PAQR8: variants seen among roughly 807,000 people sequenced by gnomAD.
PAQR8 encodes progestin and adipoQ receptor family member 8, also known as membrane progestin receptor beta.
Under a neutral mutation model 25.2 loss-of-function variants are expected in PAQR8, and 17 were observed. That is an observed-to-expected ratio of 0.67 (90% CI 0.46 to 1.01). The LOEUF is 1.01. PAQR8 is among the 50% of genes least tolerant of loss of function. The pLI is 0.00. For missense variants in PAQR8, 392 were observed against 448.4 expected, an observed-to-expected ratio of 0.87 and a Z score of 1.14; for synonymous variants, 204 against 190.6, an observed-to-expected ratio of 1.07 and a Z score of -0.58.
At chr6:52,395,580 C>T (rs1033660543) in intron 1 of PAQR8, among the ~76,000 whole-genome samples, 1 of 152,094 alleles carries the variant, frequency 6.6e-6, no homozygotes, top group Admixed American at 6.5e-5. Context: ...ATGATGATTC[C>T]CAGGAGTGTT....
chr6:52,389,892 C>G (rs902327825), intron 1 of PAQR8, among the ~76,000 whole-genome samples: 3 of 152,224 alleles, frequency 2.0e-5, no homozygotes, highest in African/African-American at 7.2e-5. Flanking sequence ...AGTGATGAAG[C>G]TTCCTGCCGG....
At chr6:52,370,891 A>G (rs892178528) in intron 1 of PAQR8, among the ~76,000 whole-genome samples, 2 of 152,186 alleles carry the variant, frequency 1.3e-5, no homozygotes, top group African/African-American at 4.8e-5. Context: ...ATAGAGCAGG[A>G]CCTCAGATCT....
intron 1 of PAQR8, among the ~76,000 whole-genome samples, chr6:52,363,765 C>G (rs1763317993): frequency 6.6e-6 from 1 of 152,200 alleles, no homozygotes; most frequent in Non-Finnish European, 1.5e-5. Flanking sequence ...GTACCCAGCC[C>G]TGAGCTGCTG....
At chr6:52,377,816 A>G (rs1349962035) in intron 1 of PAQR8, among the ~76,000 whole-genome samples, 2 of 151,924 alleles carry the variant, frequency 1.3e-5, no homozygotes, top group African/African-American at 4.8e-5. Flanking sequence ...ACACAGTCCT[A>G]TCTTCTTCGC....
rs748964377 is a variant in PAQR8, at chr6:52,403,584, C to G, written c.371C>G (p.Thr124Ser). Residue 124 changes from threonine to serine, a missense_variant, in exon 2 of 2, where the codon ACC (threonine) becomes AGC (serine). By Grantham distance (58) the Thr-to-Ser change is moderately conservative (BLOSUM62 1). Transcript: ENST00000442253. ...LFILSSITYLTCSLLAHLLQS... is the reference protein window; with the variant it reads ...LFILSSITYLSCSLLAHLLQS... ...ATCCTGTCGTCAATCACTTACCTCA[C>G]CTGCAGCCTTCTGGCCCACCTGCTG... is the stretch of plus-strand genomic sequence containing the variant. 19 of 1,614,014 alleles carry G rather than the reference C, an allele frequency of 1.2e-5. No homozygotes were observed. Among genetic ancestry groups the G allele is most frequent in the Non-Finnish European group, 1.6e-5 (19 of 1,180,046 alleles).
chr6:52,393,592 A>G (rs1232951141), intron 1 of PAQR8, among the ~76,000 whole-genome samples: 2 of 152,060 alleles, frequency 1.3e-5, no homozygotes, highest in Admixed American at 6.6e-5. Flanking sequence ...CGGCTTCCCA[A>G]AGTGCTGGGA....
At chr6:52,388,224 A>C (rs1763655331) in intron 1 of PAQR8, among the ~76,000 whole-genome samples, 1 of 152,072 alleles carries the variant, frequency 6.6e-6, no homozygotes, top group African/African-American at 2.4e-5. Flanking sequence ...AAAAATACAA[A>C]AATCAGCTAG....
rs67846872 is a variant in PAQR8, at chr6:52,364,083, G to GTTTTTTT, written c.-53+1848_-53+1854dup. ...AGTGGATATATCCATTGAAAGATAT[G>GTTTTTTT]TTTTTTTTTTTTTTTTTTTTGCGGG... is the stretch of plus-strand genomic sequence containing the variant. On this transcript the variant is annotated intron_variant, in intron 1 of 1. Coordinates refer to ENST00000442253, the MANE Select transcript of PAQR8 (RefSeq NM_133367.5). Among the ~76,000 whole-genome samples, 154 of 84,266 alleles carry GTTTTTTT rather than the reference G, an allele frequency of 1.8e-3. 24 individuals are homozygous for GTTTTTTT. The highest frequency in any genetic ancestry group is 2.3e-3 in the Admixed American group (13 of 5,690). The allele number at this position is 84,266 out of a possible 152,430, so 55.3% of individuals were successfully genotyped here.
Position 52,400,061 on chromosome 6 carries a change from C to G in PAQR8, c.-52-3101C>G, listed in dbSNP as rs562679007. Among the ~76,000 whole-genome samples, 45 of 152,278 alleles carry G rather than the reference C, an allele frequency of 3.0e-4. 2 individuals are homozygous for G. The South Asian group carries it at 8.9e-3, about 30-fold the overall frequency. ...AGGTATTCTAATTAGCATTTTCTTT[C>G]TCTCTCCCACACTCCCTCTTTCTGT... On this transcript the variant is annotated intron_variant, in intron 1 of 1. Coordinates refer to ENST00000442253, the MANE Select transcript of PAQR8 (RefSeq NM_133367.5).
chr6:52,406,663 A>G lies in PAQR8; in HGVS notation c.*2385A>G, dbSNP rs368035029. On this transcript the variant is annotated 3_prime_UTR_variant, in exon 2 of 2. Transcript: ENST00000442253. ...CTGCAGCCTCGACCTCCCCAGCTCA[A>G]GCAATCCTCCCACCTCAGCCTCCTA... is the stretch of plus-strand genomic sequence containing the variant. The G allele has an allele frequency of 2.5e-6, 1 of 406,048 alleles. No individual in the cohort carries two copies. The highest frequency in any genetic ancestry group is 3.6e-5 in the East Asian group (1 of 28,042). The allele number at this position is 406,048 out of a possible 1,614,324, so 25.2% of individuals were successfully genotyped here.
At chr6:52,370,221 T>C (rs1486348618) in intron 1 of PAQR8, among the ~76,000 whole-genome samples, 2 of 152,108 alleles carry the variant, frequency 1.3e-5, no homozygotes, top group African/African-American at 4.8e-5. Context: ...ATATCTTAGA[T>C]TTTTGTAGGT....
intron 1 of PAQR8, among the ~76,000 whole-genome samples, chr6:52,376,590 T>A (rs1199982170): frequency 2.0e-5 from 3 of 152,106 alleles, no homozygotes; most frequent in African/African-American, 7.2e-5. Flanking sequence ...TTAGACAAAA[T>A]ATTAGATTAG....
At position 52,403,211 on chromosome 6, in the gene PAQR8, G is replaced by T. The variant is rs1327417888; in HGVS notation, c.-3G>T. On this transcript the variant is annotated 5_prime_UTR_variant, in exon 2 of 2. Transcript: ENST00000442253. ...CGGCACGGAGTGCATGCGGGCCGCT[G>T]CCATGACGACCGCCATCTTGGAGCG... The T allele has an allele frequency of 1.9e-6, 3 of 1,590,562 alleles. No homozygotes were observed. The highest frequency in any genetic ancestry group is 2.6e-6 in the Non-Finnish European group (3 of 1,163,416).
chr6:52,364,688 A>G (rs1763332855), intron 1 of PAQR8, among the ~76,000 whole-genome samples: 1 of 152,216 alleles, frequency 6.6e-6, no homozygotes. Flanking sequence ...TGCGGGGCCA[A>G]CTTGGGCTTC....
chr6:52,370,310 A>G (rs979072544), intron 1 of PAQR8, among the ~76,000 whole-genome samples: 10 of 152,176 alleles, frequency 6.6e-5, no homozygotes, highest in African/African-American at 1.9e-4. Flanking sequence ...CATAAATGAA[A>G]TAAGGCCAGA....
chr6:52,400,550 A>G (rs1243384232), intron 1 of PAQR8, among the ~76,000 whole-genome samples: 1 of 152,138 alleles, frequency 6.6e-6, no homozygotes, highest in Non-Finnish European at 1.5e-5. Flanking sequence ...AACTACAATG[A>G]CTTCAGATAC....
chr6:52,377,743 A>C (rs1246552061), intron 1 of PAQR8, among the ~76,000 whole-genome samples: 2 of 109,340 alleles, frequency 1.8e-5, no homozygotes, highest in African/African-American at 6.8e-5. Context: ...CAAAACTTAA[A>C]GGGGAAACTT....
intron 1 of PAQR8, among the ~76,000 whole-genome samples, chr6:52,402,511 GGAGGCT>G (rs1056925294): frequency 3.9e-5 from 6 of 151,920 alleles, no homozygotes; most frequent in Non-Finnish European, 2.9e-5. Flanking sequence ...CAGCTACTTG[GGAGGCT>G]GAGGCAGGAG....
intron 1 of PAQR8, among the ~76,000 whole-genome samples, chr6:52,375,515 A>AT (rs978013496): frequency 5.3e-5 from 8 of 151,472 alleles, no homozygotes; most frequent in African/African-American, 1.9e-4. Context: ...TTTTTGATTA[A>AT]TTTTTTTTTA....
Sources: allele counts gnomAD v4.1 joint callset (sites outside exome capture counted in the v4.1 genomes callset), GRCh38; gene constraint gnomAD v4.1.1; transcripts MANE v1.5; gene names NCBI Gene and HGNC (gene_info 2026-07-23, HGNC 2026-07-21).